Variants in CCSER2 observed in about 807,000 individuals in gnomAD.
CCSER2 encodes coiled-coil serine rich protein 2, also known as serine-rich coiled-coil domain-containing protein 2.
In CCSER2, 46 loss-of-function variants were observed where a neutral mutation model predicts 92.3. The observed-to-expected ratio is 0.50, with a 90% CI of 0.39 to 0.64. The LOEUF is 0.64. Ranked by LOEUF, CCSER2 falls within the 30% of genes least tolerant of loss-of-function variation. The probability of loss-of-function intolerance (pLI) is 0.00; values close to 1 mark genes in which losing one functional copy is unlikely to be tolerated. For missense variants in CCSER2, 1,244 were observed against 1,238.9 expected (o/e 1.00, Z -0.06); for synonymous variants, 433 against 431.4 (o/e 1.00, Z -0.04).
intron 8 of CCSER2, 105 bp downstream of exon 8, chr10:84,470,563 A>C: frequency 2.1e-6 from 2 of 957,232 alleles, no homozygotes; most frequent in Non-Finnish European, 2.8e-6. Context: ...TTTGGCTCTC[A>C]AAGTTGCACT....
At chr10:84,360,388 A>G (rs940140037) in intron 1 of CCSER2, among the ~76,000 whole-genome samples, 22 of 152,352 alleles carry the variant, frequency 1.4e-4, no homozygotes, top group African/African-American at 5.1e-4. Flanking sequence ...TTGAAATACA[A>G]GAAGAGCAGG....
chr10:84,355,953 A>G (rs1845144748), intron 1 of CCSER2, among the ~76,000 whole-genome samples: 1 of 152,102 alleles, frequency 6.6e-6, no homozygotes. Flanking sequence ...AAATACAAAA[A>G]TTAGCTGGAT....
In CCSER2 at chr10:84,517,731, T is replaced by C. The variant is rs1849643989; in HGVS notation, c.*3464T>C. 6.6e-6 allele frequency: 1 copy of C among 152,626 alleles called. No individual in the cohort carries two copies. The highest frequency in any genetic ancestry group is 2.1e-4 in the South Asian group (1 of 4,832). The allele number at this position is 152,626 out of a possible 1,614,324, so 9.5% of individuals were successfully genotyped here. On this transcript the variant is annotated 3_prime_UTR_variant, in exon 10 of 10. Transcript: ENST00000372088. ...AATGTTCCATTGTTCCGATAAGTAT[T>C]TTACTTTTTTCTCAGTACATCAGAG...
intron 4 of CCSER2, among the ~76,000 whole-genome samples, chr10:84,418,782 G>A (rs543889678): frequency 9.2e-5 from 14 of 152,226 alleles, no homozygotes; most frequent in African/African-American, 2.4e-4. Context: ...ATGCTGTATG[G>A]CATTCTCAAA....
chr10:84,468,508 G>GA (rs903155090), intron 7 of CCSER2, among the ~76,000 whole-genome samples: 5 of 152,046 alleles, frequency 3.3e-5, no homozygotes, highest in African/African-American at 1.2e-4. Context: ...TTTGGTGGGG[G>GA]AAAAAAATCC....
chr10:84,378,919 T>G (rs973787621), intron 3 of CCSER2, among the ~76,000 whole-genome samples: 1 of 152,188 alleles, frequency 6.6e-6, no homozygotes, highest in Non-Finnish European at 1.5e-5. Context: ...AGTAAGATTG[T>G]TCTACTCTGT....
At chr10:84,388,471 T>C (rs1312323754) in intron 3 of CCSER2, among the ~76,000 whole-genome samples, 1 of 152,178 alleles carries the variant, frequency 6.6e-6, no homozygotes, top group Admixed American at 6.5e-5. Flanking sequence ...ATAGATGGTG[T>C]TGATGATCTC....
chr10:84,365,425 C>T (rs1845728506), intron 1 of CCSER2, among the ~76,000 whole-genome samples: 1 of 152,126 alleles, frequency 6.6e-6, no homozygotes. Context: ...CAGATGGTAG[C>T]TCATCAACGA....
chr10:84,416,422 A>G (rs753197723), intron 3 of CCSER2, among the ~76,000 whole-genome samples: 20 of 152,124 alleles, frequency 1.3e-4, no homozygotes, highest in Admixed American at 3.3e-4. Flanking sequence ...AAATGTGTAC[A>G]GTTTAATTGC....
At chr10:84,361,920 G>A (rs549768251) in intron 1 of CCSER2, among the ~76,000 whole-genome samples, 4 of 152,150 alleles carry the variant, frequency 2.6e-5, no homozygotes, top group Non-Finnish European at 5.9e-5. Context: ...GATTACAGGC[G>A]TGAGCCACCG....
At chr10:84,490,490 T>C (rs1312820173) in intron 9 of CCSER2, among the ~76,000 whole-genome samples, 2 of 152,268 alleles carry the variant, frequency 1.3e-5, no homozygotes, top group African/African-American at 4.8e-5. Context: ...TTCATTCATT[T>C]GATCTTCAAT....
intron 6 of CCSER2, among the ~76,000 whole-genome samples, chr10:84,457,258 AAATATATTATATAT>A (rs1564684292): frequency 7.1e-5 from 3 of 42,366 alleles, no homozygotes; most frequent in African/African-American, 1.9e-4. Context: ...ATATTATATA[AAATATATTATATAT>A]AATATATTAT....
At chr10:84,389,313 A>C in intron 3 of CCSER2, 1 of 523,018 alleles carries the variant, frequency 1.9e-6, no homozygotes, top group Non-Finnish European at 3.8e-6. Context: ...GATCAGTGCC[A>C]CATCTGTCGA....
intron 8 of CCSER2, among the ~76,000 whole-genome samples, chr10:84,470,951 TTG>T (rs1846753728): frequency 1.3e-5 from 2 of 152,104 alleles, no homozygotes; most frequent in South Asian, 4.1e-4. Flanking sequence ...AATCTAATAA[TTG>T]TGCAATTTCA....
chr10:84,393,174 T>A (rs563526781), intron 3 of CCSER2, among the ~76,000 whole-genome samples: 2 of 152,306 alleles, frequency 1.3e-5, no homozygotes, highest in South Asian at 4.1e-4. Context: ...ATGTCTTTTT[T>A]AGGATCTGTT....
chr10:84,451,640 G>A (rs1423945899), intron 6 of CCSER2, among the ~76,000 whole-genome samples: 1 of 152,080 alleles, frequency 6.6e-6, no homozygotes, highest in Non-Finnish European at 1.5e-5. Context: ...GGATATCTGG[G>A]TTCAGATATG....
intron 3 of CCSER2, among the ~76,000 whole-genome samples, chr10:84,383,402 C>G (rs991169078): frequency 6.6e-6 from 1 of 151,190 alleles, no homozygotes; most frequent in Non-Finnish European, 1.5e-5. Flanking sequence ...ACTCCACCTC[C>G]TGAGTTCACG....
intron 9 of CCSER2, among the ~76,000 whole-genome samples, chr10:84,509,307 C>A (rs376115325): frequency 6.6e-6 from 1 of 152,200 alleles, no homozygotes; most frequent in Admixed American, 6.6e-5. Context: ...TATTTATTCA[C>A]TTATTCATTT....
chr10:84,409,627 T>C (rs993959760), intron 3 of CCSER2, among the ~76,000 whole-genome samples: 1 of 152,152 alleles, frequency 6.6e-6, no homozygotes, highest in East Asian at 1.9e-4. Context: ...CACAGAACTA[T>C]GTTCAAATGG....
Sources: gnomAD v4.1 joint callset for allele counts (sites outside exome capture counted in the v4.1 genomes callset) on GRCh38, gnomAD v4.1.1 for gene constraint, MANE v1.5 for transcripts, NCBI Gene and HGNC (gene_info 2026-07-23, HGNC 2026-07-21) for gene names.